The following PI4K2B variants were observed in gnomAD, a reference collection of about 807,000 sequenced individuals.
PI4K2B encodes phosphatidylinositol 4-kinase type 2-beta.
PI4K2B carries 46 observed loss-of-function variants against 56.6 expected under a neutral mutation model. The observed-to-expected ratio is 0.81, with a 90% CI of 0.64 to 1.04. The LOEUF (loss-of-function observed/expected upper bound fraction) is 1.04, where lower values mean the gene tolerates loss of function less well. Among genes scored for constraint, PI4K2B ranks in the 50% least tolerant of loss-of-function variants. The pLI, the probability that PI4K2B is intolerant of heterozygous loss-of-function variation, is 0.00. For missense variants in PI4K2B, 556 were observed against 607.7 expected (o/e 0.91, Z 0.89); for synonymous variants, 211 against 223.8 (o/e 0.94, Z 0.51).
intron 1 of PI4K2B, among the ~76,000 whole-genome samples, chr4:25,237,795 T>C (rs2109081661): frequency 6.6e-6 from 1 of 152,328 alleles, no homozygotes; most frequent in Non-Finnish European, 1.5e-5. Context: ...GGAGGATTGC[T>C]TGAGTCCATG....
At chr4:25,274,771 T>C (rs2109027267) in intron 9 of PI4K2B, among the ~76,000 whole-genome samples, 1 of 152,304 alleles carries the variant, frequency 6.6e-6, no homozygotes, top group African/African-American at 2.4e-5. Flanking sequence ...TGAAAATTAA[T>C]AATTTGTAGA....
At chr4:25,251,406 G>A (rs1206158264) in intron 1 of PI4K2B, among the ~76,000 whole-genome samples, 7 of 152,112 alleles carry the variant, frequency 4.6e-5, no homozygotes, top group Admixed American at 4.6e-4. Flanking sequence ...TAGACAGTTG[G>A]GTTTAACCAG....
In PI4K2B at chr4:25,246,111, G is replaced by C. The variant is rs375411376; in HGVS notation, c.269-6210G>C. ...CAGGAGTGAAGCTGCAGACCTTCGC[G>C]GTGAGTGTTACAGCTCAGAAAGGCA... On this transcript the variant is annotated intron_variant, in intron 1 of 9. Coordinates refer to ENST00000264864, the MANE Select transcript of PI4K2B (RefSeq NM_018323.4). 3.3e-5 allele frequency among the ~76,000 whole-genome samples: 5 copies of C among 152,104 alleles called. No homozygotes were observed. In the South Asian group the frequency reaches 6.3e-4, roughly 19 times the overall value.
intron 1 of PI4K2B, among the ~76,000 whole-genome samples, chr4:25,239,153 T>C (rs1715403972): frequency 6.6e-6 from 1 of 152,206 alleles, no homozygotes; most frequent in Non-Finnish European, 1.5e-5. Flanking sequence ...AAGTCCCCAC[T>C]AGACTCAGGA....
At position 25,259,054 on chromosome 4, in the gene PI4K2B, A is replaced by G; in HGVS notation, c.774A>G (p.Leu258=). 1 of 1,567,166 alleles carries G rather than the reference A, an allele frequency of 6.4e-7. No individual in the cohort carries two copies. The highest frequency in any genetic ancestry group is 1.1e-5 in the South Asian group (1 of 87,084). The change falls in exon 5 of 10, where the codon TTA becomes TTG. Residue 258 remains leucine (L), a synonymous_variant. Transcript: ENST00000264864. The part of the protein sequence containing the change: ...GLPPKIGSFQ[L]FVEGYKEAEY... ...AATTATAGATTGGTTCCTTTCAGTT[A>G]TTTGTTGAAGGTTACAAGGAGGCTG...
In PI4K2B at chr4:25,234,352, G is replaced by A; in HGVS notation, c.189G>A (p.Glu63=). The A allele has an allele frequency of 5.7e-6, 8 of 1,412,454 alleles. No homozygotes were observed. The highest frequency in any genetic ancestry group is 7.4e-6 in the Non-Finnish European group (8 of 1,081,596). The allele number at this position is 1,412,454 out of a possible 1,614,324, so 87.5% of individuals were successfully genotyped here. A position where few individuals can be genotyped will look rare whatever the true frequency, so the allele number is the denominator to read the frequency against. Residue 63 remains glutamate (E), a synonymous_variant, in exon 1 of 10, where the codon GAG becomes GAA. Transcript: ENST00000264864. ...AGEEGEAGDE[E]LPLPPGDVGV... ...AGGAGGGCGAGGCCGGCGACGAGGAGCTGCCCCTCCCGCCCGGGGACGTGG... is the reference window on the plus strand; with the variant it reads ...AGGAGGGCGAGGCCGGCGACGAGGAACTGCCCCTCCCGCCCGGGGACGTGG...
intron 7 of PI4K2B, 78 bp from the exon 8 acceptor site, chr4:25,268,365 T>C (rs1560379177): frequency 1.7e-6 from 2 of 1,211,876 alleles, no homozygotes; most frequent in Non-Finnish European, 2.4e-6. Context: ...CTAGGAGTTG[T>C]AGGAAAGAAC....
chr4:25,238,784 G>A (rs1715380209), intron 1 of PI4K2B, among the ~76,000 whole-genome samples: 2 of 152,202 alleles, frequency 1.3e-5, no homozygotes, highest in Admixed American at 6.5e-5. Flanking sequence ...GCAGCAGCAA[G>A]ATTTATTGCA....
intron 1 of PI4K2B, among the ~76,000 whole-genome samples, chr4:25,235,342 C>T (rs1715213800): frequency 6.6e-6 from 1 of 152,206 alleles, no homozygotes. Context: ...TTAAAAACCA[C>T]AGAAAATGGA....
chr4:25,249,383 G>T (rs895807064), intron 1 of PI4K2B, among the ~76,000 whole-genome samples: 7 of 104,722 alleles, frequency 6.7e-5, no homozygotes, highest in Non-Finnish European at 1.6e-4. Context: ...CCCAGACGGG[G>T]TGGCCGGGCA....
At position 25,259,226 on chromosome 4, in the gene PI4K2B, G is replaced by T. The variant is rs746034505; in HGVS notation, c.910+36G>T. 2.2e-6 allele frequency: 3 copies of T among 1,365,374 alleles called. No individual in the cohort carries two copies. The East Asian group carries it at 7.0e-5, about 32-fold the overall frequency. 84.6% of individuals were successfully genotyped at this position (1,365,374 alleles called of 1,614,324 possible). ...TCTCTCATTTGTTCACGTAAATCTTGTTCATTTTCAAACTATATTCTTGTT... is the reference window on the plus strand; with the variant it reads ...TCTCTCATTTGTTCACGTAAATCTTTTTCATTTTCAAACTATATTCTTGTT... On this transcript the variant is annotated intron_variant, in intron 5 of 9. Coordinates refer to ENST00000264864, the MANE Select transcript of PI4K2B (RefSeq NM_018323.4).
chr4:25,264,945 C>T (rs1056195218), intron 7 of PI4K2B, among the ~76,000 whole-genome samples: 10 of 151,836 alleles, frequency 6.6e-5, no homozygotes, highest in African/African-American at 2.4e-4. Flanking sequence ...CCTGTAATCC[C>T]AGCACTTTGG....
chr4:25,254,376 A>G, intron 2 of PI4K2B: 1 of 887,958 alleles, frequency 1.1e-6, no homozygotes, highest in South Asian at 5.2e-5. Context: ...TTGACCTAGA[A>G]TGGTGGTTTT....
chr4:25,267,879 A>G (rs113164447), intron 7 of PI4K2B: 18,536 of 983,296 alleles, frequency 0.019, 228 homozygotes, highest in South Asian at 0.035. Context: ...TAAGTGGTCA[A>G]TTTCTGATGA....
intron 6 of PI4K2B, among the ~76,000 whole-genome samples, chr4:25,262,672 A>G (rs1273890102): frequency 6.6e-6 from 1 of 152,118 alleles, no homozygotes; most frequent in East Asian, 1.9e-4. Flanking sequence ...TTCTGTTTTA[A>G]TTTCTAAGTA....
intron 1 of PI4K2B, among the ~76,000 whole-genome samples, chr4:25,237,353 TTG>T (rs1277275715): frequency 6.6e-6 from 1 of 152,050 alleles, no homozygotes; most frequent in Non-Finnish European, 1.5e-5. Context: ...TTTTTTTTTT[TTG>T]TTTTTGGCAG....
chr4:25,248,408 G>A (rs1577681853), intron 1 of PI4K2B, among the ~76,000 whole-genome samples: 1 of 152,140 alleles, frequency 6.6e-6, no homozygotes. Flanking sequence ...AGTTTCTCTT[G>A]TCTTGGAGTT....
intron 1 of PI4K2B, among the ~76,000 whole-genome samples, chr4:25,237,563 A>T (rs530088426): frequency 6.6e-6 from 1 of 152,306 alleles, no homozygotes; most frequent in East Asian, 1.9e-4. Context: ...ACGGGGTTTC[A>T]CCATGTTGGT....
intron 1 of PI4K2B, 140 bp from the exon 2 acceptor site, chr4:25,252,181 G>C: frequency 1.8e-6 from 1 of 557,636 alleles, no homozygotes; most frequent in East Asian, 2.9e-5. Flanking sequence ...GTTAGGCAGT[G>C]GGGGGAAGGA....
Sources: allele counts gnomAD v4.1 joint callset (sites outside exome capture counted in the v4.1 genomes callset), GRCh38; gene constraint gnomAD v4.1.1; transcripts MANE v1.5; gene names NCBI Gene and HGNC (gene_info 2026-07-23, HGNC 2026-07-21).